PLXNA2: variants seen among roughly 807,000 people sequenced by gnomAD.
The protein encoded by PLXNA2 is plexin A2, also known as plexin-A2.
In PLXNA2, 91 loss-of-function variants were observed where a neutral mutation model predicts 193.5. The ratio of observed to expected loss-of-function variants is 0.47; its 90% CI spans 0.40 to 0.56. PLXNA2 has a LOEUF of 0.56. Ranked by LOEUF, PLXNA2 falls within the 20% of genes least tolerant of loss-of-function variation. The pLI, the probability that PLXNA2 is intolerant of heterozygous loss-of-function variation, is 0.00. For synonymous variants in PLXNA2, 997 were observed against 1,027.3 expected (o/e 0.97, Z 0.56); for missense variants, 1,995 against 2,503.2 (o/e 0.80, Z 4.33).
chr1:208,170,616 G>A (rs1268148109), intron 3 of PLXNA2, among the ~76,000 whole-genome samples: 2 of 152,322 alleles, frequency 1.3e-5, no homozygotes, highest in South Asian at 2.1e-4. Flanking sequence ...GAATGAATCC[G>A]ATGTGATCAA....
chr1:208,206,586 C>T (rs576776130), intron 3 of PLXNA2, among the ~76,000 whole-genome samples: 140 of 152,296 alleles, frequency 9.2e-4, no homozygotes, highest in African/African-American at 3.3e-3. Flanking sequence ...ATCAGTTCTT[C>T]TGTCTCATCT....
chr1:208,110,782 G>A (rs1244704534), intron 4 of PLXNA2, among the ~76,000 whole-genome samples: 2 of 152,314 alleles, frequency 1.3e-5, no homozygotes, highest in East Asian at 3.9e-4. Context: ...GGCAAGGACT[G>A]CAGAGGGAAG....
At chr1:208,149,531 G>A (rs1177756749) in intron 3 of PLXNA2, among the ~76,000 whole-genome samples, 2 of 151,818 alleles carry the variant, frequency 1.3e-5, no homozygotes, top group African/African-American at 2.4e-5. Flanking sequence ...TGTGGTGTGT[G>A]TATGCAGTAT....
intron 9 of PLXNA2, among the ~76,000 whole-genome samples, chr1:208,090,456 T>C (rs1320379024): frequency 6.6e-6 from 1 of 152,066 alleles, no homozygotes; most frequent in East Asian, 1.9e-4. Flanking sequence ...ATGTTGAATC[T>C]CTCATCCATG....
chr1:208,240,631 C>T (rs892510831), intron 1 of PLXNA2, among the ~76,000 whole-genome samples: 2 of 151,810 alleles, frequency 1.3e-5, no homozygotes, highest in South Asian at 2.1e-4. Context: ...GAGGGGGGAA[C>T]GCACACGAGC....
chr1:208,218,073 C>A (rs1671202513), intron 1 of PLXNA2, 71 bp from the exon 2 acceptor site: 1 of 1,380,852 alleles, frequency 7.2e-7, no homozygotes, highest in South Asian at 1.3e-5. Context: ...TGGCCTGACC[C>A]AGGGTCCCCA....
At chr1:208,115,512 C>T (rs1433072109) in intron 4 of PLXNA2, among the ~76,000 whole-genome samples, 1 of 152,212 alleles carries the variant, frequency 6.6e-6, no homozygotes, top group Non-Finnish European at 1.5e-5. Flanking sequence ...CTCAGGCAGG[C>T]TGGCTACAGA....
chr1:208,051,168 C>G, intron 16 of PLXNA2, 66 bp from the exon 17 acceptor site: 2 of 1,595,112 alleles, frequency 1.3e-6, no homozygotes, highest in African/African-American at 1.3e-5. Context: ...GAACCTCCAC[C>G]TTAGGGATCC....
At position 208,133,574 on chromosome 1, in the gene PLXNA2, C is replaced by G. The variant is rs115985562; in HGVS notation, c.1506+8755G>C. 3.0e-3 allele frequency among the ~76,000 whole-genome samples: 453 copies of G among 152,362 alleles called. 2 individuals are homozygous for G. Among genetic ancestry groups the G allele is most frequent in the African/African-American group, 0.01 (423 of 41,582 alleles). ...CTCTATGCATTATACATGGTCAACA[C>G]TTAATGGTCTATTGAATGAATGAGT... On this transcript the variant is annotated intron_variant, in intron 4 of 31. Transcript: ENST00000367033.
intron 2 of PLXNA2, among the ~76,000 whole-genome samples, chr1:208,211,959 G>C (rs913363022): frequency 1.3e-5 from 2 of 152,224 alleles, no homozygotes; most frequent in African/African-American, 4.8e-5. Context: ...TCAGCACGGG[G>C]CTGGGTCAGA....
chr1:208,196,532 C>T (rs1477717458), intron 3 of PLXNA2, among the ~76,000 whole-genome samples: 2 of 152,174 alleles, frequency 1.3e-5, no homozygotes, highest in Admixed American at 6.5e-5. Context: ...TGCTGAGATG[C>T]TCTTGCTCCT....
intron 29 of PLXNA2, chr1:208,029,682 C>T (rs1664442768): frequency 1.4e-5 from 14 of 986,936 alleles, no homozygotes; most frequent in Non-Finnish European, 1.7e-5. Context: ...GAATGACTCA[C>T]TGTAGCTCAG....
intron 15 of PLXNA2, 63 bp from the exon 16 acceptor site, chr1:208,051,486 C>T (rs2102335183): frequency 7.0e-7 from 1 of 1,418,608 alleles, no homozygotes; most frequent in Non-Finnish European, 9.7e-7. Flanking sequence ...TGCCCACTGG[C>T]TTGACAAGGG....
At chr1:208,113,996 A>C (rs1206067034) in intron 4 of PLXNA2, among the ~76,000 whole-genome samples, 2 of 152,176 alleles carry the variant, frequency 1.3e-5, no homozygotes, top group Non-Finnish European at 2.9e-5. Flanking sequence ...GCTGTTGTTG[A>C]ATAGAAGGTT....
chr1:208,042,959 C>A (rs2274448), intron 21 of PLXNA2, 102 bp downstream of exon 21: 69,383 of 1,209,196 alleles, frequency 0.057, 4,013 homozygotes, highest in Admixed American at 0.19. Flanking sequence ...ACCCCTCTTC[C>A]CTGCTAACCT....
At position 208,154,469 on chromosome 1, in the gene PLXNA2, G is replaced by A. The variant is rs116330521; in HGVS notation, c.1372-12006C>T. Among the ~76,000 whole-genome samples the A allele has an allele frequency of 6.4e-4, 98 of 152,296 alleles. 2 individuals carry two copies. Among genetic ancestry groups the A allele is most frequent in the Middle Eastern group, 6.8e-3 (2 of 294 alleles). ...TAGGATTCATGTGCTGTTGGGCCTG[G>A]ACAGCCACATCATCGCACCCAAAAA... is the stretch of plus-strand genomic sequence containing the variant. On this transcript the variant is annotated intron_variant, in intron 3 of 31. Transcript: ENST00000367033.
chr1:208,131,992 G>A (rs1353251132), intron 4 of PLXNA2, among the ~76,000 whole-genome samples: 1 of 152,130 alleles, frequency 6.6e-6, no homozygotes, highest in Non-Finnish European at 1.5e-5. Context: ...AAACGGGGGA[G>A]ATAATACCTG....
chr1:208,160,539 C>T (rs887716299), intron 3 of PLXNA2, among the ~76,000 whole-genome samples: 11 of 152,316 alleles, frequency 7.2e-5, no homozygotes, highest in African/African-American at 2.2e-4. Context: ...CACACAGGAA[C>T]GTCATCTCAT....
intron 10 of PLXNA2, 60 bp downstream of exon 10, chr1:208,084,320 C>T: frequency 6.4e-7 from 1 of 1,563,584 alleles, no homozygotes; most frequent in Non-Finnish European, 8.8e-7. Context: ...ATACTGAGGC[C>T]CCAGCACGAG....
Sources: gnomAD v4.1 joint callset for allele counts (sites outside exome capture counted in the v4.1 genomes callset) on GRCh38, gnomAD v4.1.1 for gene constraint, MANE v1.5 for transcripts, NCBI Gene and HGNC (gene_info 2026-07-23, HGNC 2026-07-21) for gene names.